The following RPRD1B variants were observed in gnomAD, a reference collection of about 807,000 sequenced individuals.
RPRD1B encodes the protein regulation of nuclear pre-mRNA domain containing 1B, also known as regulation of nuclear pre-mRNA domain-containing protein 1B.
Under a neutral mutation model 41.5 loss-of-function variants are expected in RPRD1B, and 11 were observed. The ratio of observed to expected loss-of-function variants is 0.27; its 90% confidence interval spans 0.17 to 0.44. RPRD1B has a LOEUF of 0.44. RPRD1B is among the 20% of genes least tolerant of loss of function. The pLI, the probability that RPRD1B is intolerant of heterozygous loss-of-function variation, is 1.00. For missense variants in RPRD1B, 248 were observed against 389.9 expected, an observed-to-expected ratio of 0.64 and a Z score of 3.06; for synonymous variants, 158 against 155.6, an observed-to-expected ratio of 1.02 and a Z score of -0.12.
chr20:38,057,442 C>A, intron 3 of RPRD1B, 90 bp from the exon 4 acceptor site: 1 of 832,596 alleles, frequency 1.2e-6, no homozygotes, highest in South Asian at 1.4e-5. Flanking sequence ...CCCCTTCTGC[C>A]CTGTTTTTAC....
At position 38,062,923 on chromosome 20, in the gene RPRD1B, C is replaced by T. The variant is rs532673235; in HGVS notation, c.656-3158C>T. Among the ~76,000 whole-genome samples, 189 of 144,490 alleles carry T rather than the reference C, an allele frequency of 1.3e-3. 2 individuals carry two copies. The highest frequency in any genetic ancestry group is 0.013 in the Admixed American group (181 of 13,994). The allele number at this position is 144,490 out of a possible 152,430, so 94.8% of individuals were successfully genotyped here. On this transcript the variant is annotated intron_variant, in intron 5 of 6. Coordinates refer to ENST00000373433, the MANE Select transcript of RPRD1B (RefSeq NM_021215.4). ...GATCTTAGCTCATTGTAACCTCAAA[C>T]TCCTGGACTCAAGCAATCCTCCCAT...
chr20:38,069,696 A>G (rs2074392713), intron 6 of RPRD1B, among the ~76,000 whole-genome samples: 1 of 152,256 alleles, frequency 6.6e-6, no homozygotes, highest in Admixed American at 6.5e-5. Flanking sequence ...GGGAAATAGC[A>G]GCAAACAAGG....
intron 1 of RPRD1B, among the ~76,000 whole-genome samples, chr20:38,039,856 C>T (rs1293985208): frequency 6.6e-6 from 1 of 151,792 alleles, no homozygotes; most frequent in Non-Finnish European, 1.5e-5. Context: ...GCCTCAGCCT[C>T]CTGAGTAGCT....
intron 6 of RPRD1B, among the ~76,000 whole-genome samples, chr20:38,083,086 CT>C (rs2074529526): frequency 6.6e-6 from 1 of 152,104 alleles, no homozygotes; most frequent in Non-Finnish European, 1.5e-5. Flanking sequence ...TTGTCTGTAC[CT>C]TTGATGTTTG....
Position 38,033,939 on chromosome 20 carries a change from G to GC in RPRD1B, c.-7dup, listed in dbSNP as rs2073961474. 6.2e-7 allele frequency: 1 copy of GC among 1,604,346 alleles called. No individual in the cohort carries two copies. Among genetic ancestry groups the GC allele is most frequent in the Non-Finnish European group, 8.5e-7 (1 of 1,174,868 alleles). Reference sequence around the variant, plus strand: ...AGGCCGCTCCCTGCCGGGCCTCACTGCCGCCACCATGTCCTCCTTCTCTGA... The same window carrying GC: ...AGGCCGCTCCCTGCCGGGCCTCACTGCCCGCCACCATGTCCTCCTTCTCTGA... On this transcript the variant is annotated 5_prime_UTR_variant, in exon 1 of 7. Coordinates refer to ENST00000373433, the MANE Select transcript of RPRD1B (RefSeq NM_021215.4).
intron 2 of RPRD1B, among the ~76,000 whole-genome samples, chr20:38,043,619 T>A (rs1381274294): frequency 1.3e-5 from 2 of 152,206 alleles, no homozygotes; most frequent in Non-Finnish European, 2.9e-5. Flanking sequence ...TGCCTAGGAC[T>A]CAGAAGCAAT....
chr20:38,075,539 G>T (rs1044935928), intron 6 of RPRD1B, among the ~76,000 whole-genome samples: 1 of 152,134 alleles, frequency 6.6e-6, no homozygotes, highest in Non-Finnish European at 1.5e-5. Context: ...TTTGAGCAAG[G>T]TTCTATTTTA....
chr20:38,089,904 T>C lies in RPRD1B; in HGVS notation c.*29T>C, dbSNP rs371052225. 4 of 1,606,310 alleles carry C rather than the reference T, an allele frequency of 2.5e-6. No individual in the cohort carries two copies. Among genetic ancestry groups the C allele is most frequent in the African/African-American group, 1.3e-5 (1 of 74,454 alleles). ...GGGTGTCATGTCCCAGATTTCTGTT[T>C]GTACCAGCAGAAAGAAGAGGGCAAG... On this transcript the variant is annotated 3_prime_UTR_variant, in exon 7 of 7. Coordinates refer to ENST00000373433, the MANE Select transcript of RPRD1B (RefSeq NM_021215.4).
intron 6 of RPRD1B, among the ~76,000 whole-genome samples, chr20:38,073,368 G>A (rs6068703): frequency 0.1 from 15,974 of 152,174 alleles, 1,193 homozygotes; most frequent in Non-Finnish European, 0.15. Flanking sequence ...GTTTCTCCTC[G>A]CTTGGCACCT....
At chr20:38,083,091 ATGTT>A (rs1225145175) in intron 6 of RPRD1B, among the ~76,000 whole-genome samples, 8 of 152,100 alleles carry the variant, frequency 5.3e-5, no homozygotes, top group Admixed American at 2.6e-4. Flanking sequence ...TGTACCTTTG[ATGTT>A]TGTTTGCACA....
chr20:38,056,937 ATAATG>A (rs1185310414), intron 3 of RPRD1B, among the ~76,000 whole-genome samples: 9 of 152,250 alleles, frequency 5.9e-5, no homozygotes, highest in Non-Finnish European at 1.3e-4. Flanking sequence ...TAGATCATAA[ATAATG>A]TAACCTGTCA....
chr20:38,070,295 G>C (rs1233250810), intron 6 of RPRD1B: 2 of 985,300 alleles, frequency 2.0e-6, no homozygotes, highest in Admixed American at 1.2e-4. Context: ...GAATGCTGCT[G>C]AAAATCTGTG....
At chr20:38,074,056 G>A (rs1477842698) in intron 6 of RPRD1B, among the ~76,000 whole-genome samples, 2 of 152,200 alleles carry the variant, frequency 1.3e-5, no homozygotes, top group East Asian at 1.9e-4. Context: ...TAATTACGGG[G>A]CCTTGCACTC....
chr20:38,078,252 G>C, intron 6 of RPRD1B, among the ~76,000 whole-genome samples: 1 of 151,714 alleles, frequency 6.6e-6, no homozygotes, highest in Non-Finnish European at 1.5e-5. Flanking sequence ...GACTTCCTCA[G>C]CCACATCTCT....
intron 6 of RPRD1B, among the ~76,000 whole-genome samples, chr20:38,071,383 C>T (rs2122747070): frequency 6.6e-6 from 1 of 152,310 alleles, no homozygotes; most frequent in South Asian, 2.1e-4. Context: ...TACTTCATCT[C>T]TTTTATGGTA....
intron 5 of RPRD1B, among the ~76,000 whole-genome samples, chr20:38,061,628 G>A (rs1252253462): frequency 6.6e-6 from 1 of 151,978 alleles, no homozygotes; most frequent in Admixed American, 6.6e-5. Context: ...TCTTCCTCTA[G>A]CTACTGCCTC....
chr20:38,089,977 GCCCAGCCC>G lies in RPRD1B; in HGVS notation c.*110_*117del. 1.3e-6 allele frequency: 2 copies of G among 1,503,318 alleles called. No individual in the cohort carries two copies. Among genetic ancestry groups the G allele is most frequent in the Non-Finnish European group, 1.8e-6 (2 of 1,130,690 alleles). 93.1% of individuals were successfully genotyped at this position (1,503,318 alleles called of 1,614,324 possible). A position where few individuals can be genotyped will look rare whatever the true frequency, so the allele number is the denominator to read the frequency against. On this transcript the variant is annotated 3_prime_UTR_variant, in exon 7 of 7. Transcript: ENST00000373433. ...AGCCCCTGGTTCTATCCCTTCTTCC[GCCCAGCCC>G]CCCAGCCTCAAGAAAGAACCTCAGA...
intron 6 of RPRD1B, among the ~76,000 whole-genome samples, chr20:38,084,724 T>C (rs750910157): frequency 1.2e-4 from 18 of 152,346 alleles, no homozygotes; most frequent in Middle Eastern, 3.4e-3. Context: ...GGAAATGTTA[T>C]AGACACATTT....
intron 3 of RPRD1B, 139 bp from the exon 4 acceptor site, chr20:38,057,393 A>G: frequency 1.7e-6 from 1 of 581,396 alleles, no homozygotes; most frequent in Non-Finnish European, 3.1e-6. Context: ...TAAAATAACT[A>G]GCATAAAGGT....
Sources: gnomAD v4.1 joint callset for allele counts (sites outside exome capture counted in the v4.1 genomes callset) on GRCh38, gnomAD v4.1.1 for gene constraint, MANE v1.5 for transcripts, NCBI Gene and HGNC (gene_info 2026-07-23, HGNC 2026-07-21) for gene names.